The following VARS2 variants were observed in gnomAD, a reference collection of about 807,000 sequenced individuals.
VARS2 encodes the protein valyl-tRNA synthetase 2, mitochondrial.
Under a neutral mutation model 154.1 loss-of-function variants are expected in VARS2, and 105 were observed. The ratio of observed to expected loss-of-function variants is 0.68; its 90% CI spans 0.58 to 0.80. The LOEUF (loss-of-function observed/expected upper bound fraction) is 0.80. Among genes scored for constraint, VARS2 ranks in the 30% least tolerant of loss-of-function variants. The pLI is 0.00. For synonymous variants in VARS2, 483 were observed against 539.5 expected (o/e 0.90, Z 1.45); for missense variants, 1,157 against 1,361.4 (o/e 0.85, Z 2.36).
rs1293999693 is a variant in VARS2, at chr6:30,921,562, C to G, written c.1633-27C>G. On this transcript the variant is annotated intron_variant, in intron 17 of 29. Coordinates refer to ENST00000676266, the MANE Select transcript of VARS2 (RefSeq NM_020442.6). This position sits in a 1 kb window ranked among gnomAD's most constrained non-coding sequence, Gnocchi z 4.6. ...CACCTGTCAGCTGTTCTTCCTCACT[C>G]TCCCCAACCCCTTCCTACTTTTGCA... The G allele has an allele frequency of 6.3e-7, 1 of 1,586,546 alleles. No individual in the cohort carries two copies. Among genetic ancestry groups the G allele is most frequent in the Non-Finnish European group, 8.6e-7 (1 of 1,168,260 alleles).
In VARS2 at chr6:30,924,503, TGGTTGCCCCCCTGCCCCCAGCATCTC is replaced by T; in HGVS notation, c.2627_2652del (p.Pro876LeufsTer94). Reference sequence around the variant, plus strand: ...TCTGGCAGAGGCTGCCCCCCAGGCCTGGTTGCCCCCCTGCCCCCAGCATCTCGGTTGCCCCCTACCCCAGCGCCTGC... The same window carrying T: ...TCTGGCAGAGGCTGCCCCCCAGGCCTGGTTGCCCCCTACCCCAGCGCCTGC... On this transcript the variant is annotated frameshift_variant, in exon 26 of 30. Coordinates refer to ENST00000676266, the MANE Select transcript of VARS2 (RefSeq NM_020442.6). LOFTEE classifies it high-confidence loss of function. 6.3e-7 allele frequency: 1 copy of T among 1,599,764 alleles called. No homozygotes were observed. Among genetic ancestry groups the T allele is most frequent in the Non-Finnish European group, 8.5e-7 (1 of 1,170,610 alleles).
chr6:30,921,016 G>A lies in VARS2; in HGVS notation c.1480-49G>A. On this transcript the variant is annotated intron_variant, in intron 15 of 29. Transcript: ENST00000676266. This position sits in a 1 kb window ranked among gnomAD's most constrained non-coding sequence, Gnocchi z 4.6. ...GGCCACTCGTCCTATCTGTGGAGGT[G>A]CGGCCGTGCAGGAAGGGCAACATTG... 6.4e-7 allele frequency: 1 copy of A among 1,556,978 alleles called. No homozygotes were observed. The highest frequency in any genetic ancestry group is 8.7e-7 in the Non-Finnish European group (1 of 1,147,716).
At chr6:30,925,511 A>G in intron 27 of VARS2, 33 bp from the exon 28 acceptor site, 4 of 1,559,310 alleles carry the variant, frequency 2.6e-6, no homozygotes, top group Non-Finnish European at 2.6e-6. Flanking sequence ...GCAGGAGCTG[A>G]GGCCTTGCCC....
At position 30,921,741 on chromosome 6, in the gene VARS2, A is replaced by C. The variant is rs747984447; in HGVS notation, c.1735+50A>C. The C allele has an allele frequency of 3.9e-6, 6 of 1,547,746 alleles. No individual in the cohort carries two copies. In the African/African-American group the frequency reaches 6.8e-5, roughly 18 times the overall value. On this transcript the variant is annotated intron_variant, in intron 18 of 29. Coordinates refer to ENST00000676266, the MANE Select transcript of VARS2 (RefSeq NM_020442.6). The surrounding 1 kb of genome is among the most constrained non-coding windows in gnomAD (Gnocchi z 4.6). ...TGTACAGGGGAGCGGGGGCCTGGGC[A>C]TCTGGGCCTTTGAGGGGAACAGATC...
In VARS2 at chr6:30,915,703, A is replaced by G. The variant is rs775741787; in HGVS notation, c.385-43A>G. 6 of 1,608,246 alleles carry G rather than the reference A, an allele frequency of 3.7e-6. No homozygotes were observed. The African/African-American group carries it at 5.3e-5, about 14-fold the overall frequency. ...GACAGTAGAGGGTGCTCTTTCCCCA[A>G]TCCAATTCTCTCTTGCCCCTTTGAC... On this transcript the variant is annotated intron_variant, in intron 4 of 29. Transcript: ENST00000676266.
rs571867636 is a variant in VARS2 at position 30,921,285 on chromosome 6, G to A, written c.1612G>A (p.Val538Ile). The A allele has an allele frequency of 8.7e-6, 14 of 1,614,162 alleles. No homozygotes were observed. Among genetic ancestry groups the A allele is most frequent in the Middle Eastern group, 3.3e-4 (2 of 6,060 alleles). The change falls in exon 17 of 30, where the codon GTT becomes ATT. Residue 538 changes from valine to isoleucine, a missense_variant. Physicochemically the swap from Val to Ile is conservative, Grantham distance 29. Transcript: ENST00000676266. The surrounding 1 kb of genome is among the most constrained non-coding windows in gnomAD (Gnocchi z 4.6). ...WWGHQIPAYL[V>I]VEDHAQGEED... is the part of the protein sequence containing the mutation. ...GGGCCATCAGATTCCAGCCTACCTG[G>A]TTGTAGAGGACCATGCGCAGGTGGG...
In VARS2 at chr6:30,920,157, C is replaced by T. The variant is rs1794417737; in HGVS notation, c.1234C>T (p.Pro412Ser). The stretch of plus-strand genomic sequence containing the variant: ...GATGGGGGCCCGACATGGCTTGAGC[C>T]CCTTGAATGTCATTGCGGAGGATGG... ...AEMGARHGLS[P>S]LNVIAEDGTM... Residue 412 changes from proline (P) to serine (S), a missense_variant, in exon 13 of 30, where the codon CCC becomes TCC. Physicochemically the swap from Pro to Ser is moderately conservative, Grantham distance 74. Transcript: ENST00000676266. The surrounding 1 kb of genome is among the most constrained non-coding windows in gnomAD (Gnocchi z 4.6). The T allele has an allele frequency of 6.3e-7, 1 of 1,592,948 alleles. No homozygotes were observed. Among genetic ancestry groups the T allele is most frequent in the African/African-American group, 1.3e-5 (1 of 74,316 alleles).
In VARS2 at chr6:30,924,479, CT is replaced by C; in HGVS notation, c.2593del (p.Trp865GlyfsTer49). 6.2e-7 allele frequency: 1 copy of C among 1,610,120 alleles called. No homozygotes were observed. Among genetic ancestry groups the C allele is most frequent in the Non-Finnish European group, 8.5e-7 (1 of 1,177,912 alleles). On this transcript the variant is annotated frameshift_variant, in exon 26 of 30. Coordinates refer to ENST00000676266, the MANE Select transcript of VARS2 (RefSeq NM_020442.6). LOFTEE classifies it high-confidence loss of function. ...PLMPFLAEELWQRLPPRPGCP... is the reference protein window; with the variant it reads ...PLMPFLAEELXQRLPPRPGCP... ...TGATGCCCTTCCTGGCTGAAGAGCT[CT>C]GGCAGAGGCTGCCCCCCAGGCCTGG...
intron 1 of VARS2, 58 bp from the exon 2 acceptor site, chr6:30,914,752 G>A: frequency 6.8e-7 from 1 of 1,478,254 alleles, no homozygotes; most frequent in Non-Finnish European, 9.3e-7. Flanking sequence ...GATGGAACAA[G>A]GGGAGTGACC....
Position 30,915,416 on chromosome 6 carries a change from G to T in VARS2, c.345G>T (p.Pro115=). The change falls in exon 4 of 30, where the codon CCG becomes CCT. Residue 115 remains proline (P), a synonymous_variant. Coordinates refer to ENST00000676266, the MANE Select transcript of VARS2 (RefSeq NM_020442.6). ...GATATGTTGAGGCTGCCTGGTACCCGTGGTGGGTACGAGAGGGCTTCTTCA... is the reference window on the plus strand; with the variant it reads ...GATATGTTGAGGCTGCCTGGTACCCTTGGTGGGTACGAGAGGGCTTCTTCA... ...SPRYVEAAWY[P]WWVREGFFKP... 1 of 1,614,186 alleles carries T rather than the reference G, an allele frequency of 6.2e-7. No homozygotes were observed. Among genetic ancestry groups the T allele is most frequent in the Non-Finnish European group, 8.5e-7 (1 of 1,180,034 alleles).
chr6:30,926,352 G>C lies in VARS2; in HGVS notation c.*142G>C. On this transcript the variant is annotated 3_prime_UTR_variant, in exon 30 of 30. Coordinates refer to ENST00000676266, the MANE Select transcript of VARS2 (RefSeq NM_020442.6). ...TGTAAATGAGGACACAGACTGGCTTGGTCGCAGTGACTGTGGTGTCCTTGA... is the reference window on the plus strand; with the variant it reads ...TGTAAATGAGGACACAGACTGGCTTCGTCGCAGTGACTGTGGTGTCCTTGA... 7 of 858,560 alleles carry C rather than the reference G, an allele frequency of 8.2e-6. No individual in the cohort carries two copies. The highest frequency in any genetic ancestry group is 1.3e-5 in the Non-Finnish European group (7 of 548,196). 53.2% of individuals were successfully genotyped at this position (858,560 alleles called of 1,614,324 possible). A position where few individuals can be genotyped will look rare whatever the true frequency, so the allele number is the denominator to read the frequency against.
Position 30,922,251 on chromosome 6 carries a change from C to T in VARS2, c.1932+10C>T, listed in dbSNP as rs1394506342. The T allele has an allele frequency of 6.2e-7, 1 of 1,607,910 alleles. No individual in the cohort carries two copies. Reference sequence around the variant, plus strand: ...GCTGCCCTTCAGCAAGGTAAGAGCCCTTCAGTGCCCTGCCGCTTTCTGTGA... The same window carrying T: ...GCTGCCCTTCAGCAAGGTAAGAGCCTTTCAGTGCCCTGCCGCTTTCTGTGA... On this transcript the variant is annotated intron_variant, in intron 20 of 29. Transcript: ENST00000676266.
rs1201636650 is a variant in VARS2 at position 30,921,123 on chromosome 6, A to G, written c.1538A>G (p.His513Arg). The stretch of plus-strand genomic sequence containing the variant: ...TCCTTCCACCAGAAGAACTGGCAGC[A>G]CTGGTTTTCCCATATTGGGTAAGGG... The part of the protein sequence containing the change: ...SPSFHQKNWQ[H>R]WFSHIGDWCV... Residue 513 changes from histidine (H) to arginine (R), a missense_variant, in exon 16 of 30, where the codon CAC becomes CGC. Physicochemically the swap from His to Arg is conservative, Grantham distance 29. Transcript: ENST00000676266. The surrounding 1 kb of genome is among the most constrained non-coding windows in gnomAD (Gnocchi z 4.6). 6.2e-7 allele frequency: 1 copy of G among 1,613,974 alleles called. No individual in the cohort carries two copies. Among genetic ancestry groups the G allele is most frequent in the South Asian group, 1.1e-5 (1 of 91,054 alleles).
rs1308588231 is a variant in VARS2, at chr6:30,914,302, C to T, written c.-70C>T. The T allele has an allele frequency of 1.1e-5, 12 of 1,106,560 alleles. No homozygotes were observed. The highest frequency in any genetic ancestry group is 4.1e-5 in the South Asian group (1 of 24,666). 68.5% of individuals were successfully genotyped at this position (1,106,560 alleles called of 1,614,324 possible). ...GTCGGGTTTGGTGGATTCCTCAGTC[C>T]CTGCCGCCGCGGGGCGCCCTGGGAT... On this transcript the variant is annotated 5_prime_UTR_variant, in exon 1 of 30. Transcript: ENST00000676266.
rs755005121 is a variant in VARS2 at position 30,916,022 on chromosome 6, C to T, written c.548C>T (p.Ser183Leu). 6.2e-7 allele frequency: 1 copy of T among 1,613,908 alleles called. No individual in the cohort carries two copies. Among genetic ancestry groups the T allele is most frequent in the Non-Finnish European group, 8.5e-7 (1 of 1,179,906 alleles). The change falls in exon 6 of 30, where the codon TCA becomes TTA. Residue 183 changes from serine (S) to leucine (L), a missense_variant. Ser to Leu is a moderately radical substitution (Grantham distance 145). Transcript: ENST00000676266. The surrounding 1 kb of genome is among the most constrained non-coding windows in gnomAD (Gnocchi z 4.0). ...RGDQVLWVPG[S>L]DHAGIATQAV... ...GATCAAGTGCTGTGGGTCCCTGGTTCAGATCATGCAGGAATTGCTACACAA... is the reference window on the plus strand; with the variant it reads ...GATCAAGTGCTGTGGGTCCCTGGTTTAGATCATGCAGGAATTGCTACACAA...
Position 30,921,828 on chromosome 6 carries a change from C to G in VARS2, c.1736-97C>G. The G allele has an allele frequency of 6.4e-7, 1 of 1,569,540 alleles. No individual in the cohort carries two copies. Among genetic ancestry groups the G allele is most frequent in the Admixed American group, 1.7e-5 (1 of 59,392 alleles). ...TGGAGCCAAAGGGGACAGCCCTGGTCTCTGGGGGTGGGGGTTGGCCTAGAA... is the reference window on the plus strand; with the variant it reads ...TGGAGCCAAAGGGGACAGCCCTGGTGTCTGGGGGTGGGGGTTGGCCTAGAA... On this transcript the variant is annotated intron_variant, in intron 18 of 29. Coordinates refer to ENST00000676266, the MANE Select transcript of VARS2 (RefSeq NM_020442.6). This position sits in a 1 kb window ranked among gnomAD's most constrained non-coding sequence, Gnocchi z 4.6.
rs1476853767 is a variant in VARS2, at chr6:30,920,536, TAC to T, written c.1397+101_1397+102del. 1 of 1,369,664 alleles carries T rather than the reference TAC, an allele frequency of 7.3e-7. No individual in the cohort carries two copies. The highest frequency in any genetic ancestry group is 2.4e-5 in the East Asian group (1 of 40,832). The allele number at this position is 1,369,664 out of a possible 1,614,324, so 84.8% of individuals were successfully genotyped here. On this transcript the variant is annotated intron_variant, in intron 14 of 29. Coordinates refer to ENST00000676266, the MANE Select transcript of VARS2 (RefSeq NM_020442.6). This position sits in a 1 kb window ranked among gnomAD's most constrained non-coding sequence, Gnocchi z 4.6. ...TGGGCTCTGCACCCCTCCGTTAGAATACGAGCTCCGTGTCGGTTTTATTCGCT... is the reference window on the plus strand; with the variant it reads ...TGGGCTCTGCACCCCTCCGTTAGAATGAGCTCCGTGTCGGTTTTATTCGCT...
chr6:30,914,448 A>C, intron 1 of VARS2, 104 bp downstream of exon 1: 1 of 1,281,378 alleles, frequency 7.8e-7, no homozygotes. Context: ...GGCTGTGGGC[A>C]CTGCAGGAGG....
At position 30,921,876 on chromosome 6, in the gene VARS2, T is replaced by G; in HGVS notation, c.1736-49T>G. 6.2e-7 allele frequency: 1 copy of G among 1,608,882 alleles called. No homozygotes were observed. On this transcript the variant is annotated intron_variant, in intron 18 of 29. Transcript: ENST00000676266. This position sits in a 1 kb window ranked among gnomAD's most constrained non-coding sequence, Gnocchi z 4.6. ...GAATGGTGGCAGCAGTGGTCTGAGG[T>G]CCTAGAAGCCAAGGTTCCAACTGTC...
Sources: allele counts gnomAD v4.1 joint callset, GRCh38; gene constraint gnomAD v4.1.1; non-coding constraint Gnocchi (gnomAD v3.1); transcripts MANE v1.5; gene names NCBI Gene and HGNC (gene_info 2026-07-23, HGNC 2026-07-21).